The following SPAG16 variants were observed in gnomAD, a reference collection of about 807,000 sequenced individuals.
The protein encoded by SPAG16 is sperm-associated antigen 16 protein.
A neutral mutation model predicts 80.4 loss-of-function variants in SPAG16; 86 were observed. That is an observed-to-expected ratio of 1.07 (90% CI 0.90 to 1.28). The LOEUF is 1.28. Among genes scored for constraint, SPAG16 ranks in the 50% most tolerant of loss-of-function variants. The pLI is 0.00. For missense variants in SPAG16, 870 were observed against 765.3 expected (o/e 1.14, Z -1.61); for synonymous variants, 294 against 265.9 (o/e 1.11, Z -1.03).
At chr2:213,994,878 ATATT>A (rs2046443612) in intron 12 of SPAG16, among the ~76,000 whole-genome samples, 5 of 152,138 alleles carry the variant, frequency 3.3e-5, no homozygotes, top group Admixed American at 2.0e-4. Flanking sequence ...ATAACCCTGA[ATATT>A]TATTTTTCCA....
chr2:213,729,620 C>G (rs921208869), intron 10 of SPAG16, among the ~76,000 whole-genome samples: 3 of 152,152 alleles, frequency 2.0e-5, no homozygotes, highest in Non-Finnish European at 2.9e-5. Context: ...TTTACAGAGC[C>G]TAACTACATC....
chr2:214,123,114 G>A (rs1052195531), intron 14 of SPAG16, among the ~76,000 whole-genome samples: 1 of 151,634 alleles, frequency 6.6e-6, no homozygotes, highest in Non-Finnish European at 1.5e-5. Context: ...TGTATAAGCA[G>A]CCATTAAAAA....
chr2:213,673,963 G>GC (rs2063926081), intron 10 of SPAG16, among the ~76,000 whole-genome samples: 1 of 152,006 alleles, frequency 6.6e-6, no homozygotes, highest in Non-Finnish European at 1.5e-5. Flanking sequence ...CTTAATAGTT[G>GC]CAAGTGTCAT....
intron 7 of SPAG16, among the ~76,000 whole-genome samples, chr2:213,351,989 T>G (rs1302290399): frequency 6.6e-6 from 1 of 152,040 alleles, no homozygotes; most frequent in African/African-American, 2.4e-5. Flanking sequence ...GCTATTCTCA[T>G]GATAATTGAG....
At chr2:214,270,258 T>A (rs1246868748) in intron 15 of SPAG16, among the ~76,000 whole-genome samples, 2 of 152,218 alleles carry the variant, frequency 1.3e-5, no homozygotes, top group African/African-American at 4.8e-5. Context: ...ACCATCCTGT[T>A]AATTTCATTT....
intron 15 of SPAG16, among the ~76,000 whole-genome samples, chr2:214,392,434 C>T (rs1244410982): frequency 6.6e-6 from 1 of 152,134 alleles, no homozygotes; most frequent in African/African-American, 2.4e-5. Flanking sequence ...GGATTACAAG[C>T]AAGAGCCACA....
At position 214,045,937 on chromosome 2, in the gene SPAG16, T is replaced by G. The variant is rs557201876; in HGVS notation, c.1527+31860T>G. Among the ~76,000 whole-genome samples, 5 of 152,126 alleles carry G rather than the reference T, an allele frequency of 3.3e-5. No homozygotes were observed. The East Asian group carries it at 9.6e-4, about 29-fold the overall frequency. ...ACAAAAAGACAGTTTTTTGAAAAGT[T>G]AAAATTGACATACTTTGAGCCAGAC... On this transcript the variant is annotated intron_variant, in intron 13 of 15. Coordinates refer to ENST00000331683, the MANE Select transcript of SPAG16 (RefSeq NM_024532.5).
At chr2:213,304,294 A>C (rs761360177) in intron 3 of SPAG16, among the ~76,000 whole-genome samples, 2 of 152,086 alleles carry the variant, frequency 1.3e-5, no homozygotes, top group Non-Finnish European at 2.9e-5. Context: ...TCAGATGGAT[A>C]GTTTGCATAT....
At chr2:213,502,195 G>A (rs1440245263) in intron 10 of SPAG16, among the ~76,000 whole-genome samples, 1 of 152,100 alleles carries the variant, frequency 6.6e-6, no homozygotes, top group Non-Finnish European at 1.5e-5. Context: ...GCATGAAGAG[G>A]GCTCAGTGCA....
At chr2:213,950,240 C>A (rs890733259) in intron 12 of SPAG16, among the ~76,000 whole-genome samples, 2 of 152,034 alleles carry the variant, frequency 1.3e-5, no homozygotes, top group Non-Finnish European at 2.9e-5. Flanking sequence ...TCCTGTGGCC[C>A]GCAGCAGTCT....
At chr2:213,291,806 A>C (rs1410321149) in intron 1 of SPAG16, among the ~76,000 whole-genome samples, 1 of 152,170 alleles carries the variant, frequency 6.6e-6, no homozygotes, top group Non-Finnish European at 1.5e-5. Flanking sequence ...TCTTGGGCAA[A>C]TCTTTTAATC....
At chr2:214,086,709 T>A (rs1000749988) in intron 13 of SPAG16, among the ~76,000 whole-genome samples, 1 of 152,162 alleles carries the variant, frequency 6.6e-6, no homozygotes. Flanking sequence ...TATAGAAGCA[T>A]GAGAACAGAC....
chr2:213,574,835 C>T (rs1211162049), intron 10 of SPAG16, among the ~76,000 whole-genome samples: 7 of 151,710 alleles, frequency 4.6e-5, no homozygotes, highest in African/African-American at 1.7e-4. Context: ...TCTTTATAAA[C>T]ACACATCTGT....
chr2:213,752,858 A>G (rs1379120625), intron 10 of SPAG16, among the ~76,000 whole-genome samples: 1 of 152,208 alleles, frequency 6.6e-6, no homozygotes, highest in Non-Finnish European at 1.5e-5. Flanking sequence ...GGAACAGTAT[A>G]GAGAGACTCC....
chr2:213,363,998 T>G (rs1559457061), intron 7 of SPAG16, 78 bp from the exon 8 acceptor site: 1 of 532,842 alleles, frequency 1.9e-6, no homozygotes, highest in Non-Finnish European at 3.1e-6. Flanking sequence ...ACAATGGATA[T>G]TTAAATATTG....
chr2:213,642,147 CA>C (rs1163673103), intron 10 of SPAG16, among the ~76,000 whole-genome samples: 1 of 152,198 alleles, frequency 6.6e-6, no homozygotes, highest in East Asian at 1.9e-4. Flanking sequence ...GCAGACTTTC[CA>C]CCTCTCGCAC....
intron 10 of SPAG16, among the ~76,000 whole-genome samples, chr2:213,537,122 T>C (rs2076278471): frequency 7.8e-6 from 1 of 128,322 alleles, no homozygotes; most frequent in African/African-American, 3.0e-5. Context: ...TGAGAACACA[T>C]GGACACAGGA....
Position 214,233,868 on chromosome 2 carries a change from C to T in SPAG16, c.1720+84602C>T, listed in dbSNP as rs75302952. ...TATTTCATGTATGCAGTTTTTTGTT[C>T]GACAAACTTTTGTGGTTTTTTTAAT... is the stretch of plus-strand genomic sequence containing the variant. On this transcript the variant is annotated intron_variant, in intron 15 of 15. Transcript: ENST00000331683. 8.5e-4 allele frequency among the ~76,000 whole-genome samples: 130 copies of T among 152,048 alleles called. 1 individual carries two copies. The highest frequency in any genetic ancestry group is 4.1e-4 in the African/African-American group (17 of 41,488).
At chr2:213,928,761 A>C (rs983632983) in intron 11 of SPAG16, among the ~76,000 whole-genome samples, 9 of 152,212 alleles carry the variant, frequency 5.9e-5, no homozygotes, top group Non-Finnish European at 8.8e-5. Flanking sequence ...ATCATAAAAC[A>C]GTCTGGCAGG....
Sources: gnomAD v4.1 joint callset for allele counts (sites outside exome capture counted in the v4.1 genomes callset) on GRCh38, gnomAD v4.1.1 for gene constraint, MANE v1.5 for transcripts, NCBI Gene and HGNC (gene_info 2026-07-23, HGNC 2026-07-21) for gene names.